Variants in FRMD5 observed in about 807,000 individuals in gnomAD.
FRMD5 encodes the protein FERM domain containing 5, also known as FERM domain-containing protein 5.
A neutral mutation model predicts 69.0 loss-of-function variants in FRMD5; 20 were observed. The observed-to-expected ratio is 0.29, with a 90% CI of 0.20 to 0.42. The LOEUF (loss-of-function observed/expected upper bound fraction) is 0.42. Among genes scored for constraint, FRMD5 ranks in the 10% least tolerant of loss-of-function variants. The pLI is 1.00. For synonymous variants in FRMD5, 271 were observed against 260.1 expected, an observed-to-expected ratio of 1.04 and a Z score of -0.40; for missense variants, 595 against 708.6, an observed-to-expected ratio of 0.84 and a Z score of 1.82.
intron 12 of FRMD5, among the ~76,000 whole-genome samples, 159 bp from the exon 13 acceptor site, chr15:43,883,968 T>C (rs541960084): frequency 9.8e-5 from 15 of 152,366 alleles, no homozygotes; most frequent in Middle Eastern, 3.4e-3. Context: ...CTTTGGTCTC[T>C]GGATTCCAGT....
At chr15:44,109,157 A>G (rs1469169573) in intron 1 of FRMD5, among the ~76,000 whole-genome samples, 1 of 152,022 alleles carries the variant, frequency 6.6e-6, no homozygotes, top group East Asian at 1.9e-4. Flanking sequence ...TTCCTTGAAT[A>G]ATTTTTTAAT....
intron 1 of FRMD5, among the ~76,000 whole-genome samples, chr15:44,007,706 C>T (rs954703526): frequency 5.9e-5 from 7 of 118,350 alleles, no homozygotes; most frequent in East Asian, 2.8e-4. Context: ...AGTGCAATGG[C>T]GTGATCTTGG....
intron 13 of FRMD5, among the ~76,000 whole-genome samples, chr15:43,882,877 G>A (rs530942884): frequency 2.0e-5 from 3 of 152,094 alleles, no homozygotes; most frequent in Non-Finnish European, 2.9e-5. Flanking sequence ...TGGGCTCACT[G>A]CAGCCTCCAC....
chr15:43,905,862 T>C lies in FRMD5; in HGVS notation c.517A>G (p.Arg173Gly), dbSNP rs780794171. Residue 173 changes from arginine (R) to glycine (G), a missense_variant, in exon 6 of 14, where the codon AGG (arginine) becomes GGG (glycine). By Grantham distance (125) the Arg-to-Gly change is moderately radical. Around this residue, in one of 5 missense-constraint regions of FRMD5, gnomAD observed 51 missense variants for 41.7 expected, o/e 1.22. Transcript: ENST00000417257. The stretch of plus-strand genomic sequence containing the variant: ...GTCTTGTGAATCTCAGCAATTTTCC[T>C]TTCCAGCTTCTCTGAATGTTTAGGG... ...FFPKHSEKLE[R>G]KIAEIHKTEL... 8.1e-6 allele frequency: 13 copies of C among 1,614,130 alleles called. No individual in the cohort carries two copies. Among genetic ancestry groups the C allele is most frequent in the South Asian group, 5.5e-5 (5 of 91,090 alleles).
At chr15:43,888,138 C>T (rs764933739) in intron 10 of FRMD5, 37 bp downstream of exon 10, 19 of 1,500,116 alleles carry the variant, frequency 1.3e-5, no homozygotes, top group Non-Finnish European at 1.7e-5. Flanking sequence ...GACTCTGGCT[C>T]TAAGAAAGAC....
intron 1 of FRMD5, among the ~76,000 whole-genome samples, chr15:44,009,372 T>C (rs78924390): frequency 0.019 from 2,925 of 152,244 alleles, 96 homozygotes; most frequent in African/African-American, 0.067. Context: ...ACATTTGTCT[T>C]TCTGTACATT....
intron 1 of FRMD5, among the ~76,000 whole-genome samples, chr15:44,119,392 C>T (rs1359921710): frequency 6.6e-6 from 1 of 152,296 alleles, no homozygotes; most frequent in Non-Finnish European, 1.5e-5. Flanking sequence ...GACTTCGAGA[C>T]GTACAGTGAC....
chr15:44,034,729 A>G (rs1271648374), intron 1 of FRMD5, among the ~76,000 whole-genome samples: 1 of 152,158 alleles, frequency 6.6e-6, no homozygotes, highest in Non-Finnish European at 1.5e-5. Flanking sequence ...TTTTAGATTT[A>G]GCTCTTTTTC....
intron 1 of FRMD5, among the ~76,000 whole-genome samples, chr15:44,092,015 A>G (rs2076480728): frequency 1.3e-5 from 2 of 152,300 alleles, no homozygotes; most frequent in Non-Finnish European, 2.9e-5. Flanking sequence ...ACTTTGAAGT[A>G]TTTAAGTTTA....
chr15:44,100,770 T>G, intron 1 of FRMD5, among the ~76,000 whole-genome samples: 1 of 152,296 alleles, frequency 6.6e-6, no homozygotes, highest in East Asian at 1.9e-4. Flanking sequence ...AGTTGCTGTA[T>G]GGAAAGAAAC....
At chr15:44,084,934 G>A (rs1894136917) in intron 1 of FRMD5, among the ~76,000 whole-genome samples, 1 of 151,970 alleles carries the variant, frequency 6.6e-6, no homozygotes, top group Non-Finnish European at 1.5e-5. Flanking sequence ...ATACAATCTG[G>A]GGAAGCAATC....
At chr15:43,983,514 CT>C (rs1211861271) in intron 1 of FRMD5, among the ~76,000 whole-genome samples, 2 of 152,154 alleles carry the variant, frequency 1.3e-5, no homozygotes, top group African/African-American at 2.4e-5. Flanking sequence ...CTCCAAAAGT[CT>C]GTTATCGCCA....
chr15:43,935,394 G>C (rs932005616), intron 1 of FRMD5, among the ~76,000 whole-genome samples: 3 of 152,188 alleles, frequency 2.0e-5, no homozygotes, highest in African/African-American at 7.2e-5. Flanking sequence ...TGAGGCAGGA[G>C]AGCTGCTTGA....
intron 1 of FRMD5, among the ~76,000 whole-genome samples, chr15:44,068,735 A>C (rs2140405891): frequency 6.6e-6 from 1 of 152,360 alleles, no homozygotes; most frequent in Non-Finnish European, 1.5e-5. Context: ...TACTTTAAAC[A>C]GGCAAATTTT....
At chr15:43,970,941 T>G (rs1438670115) in intron 1 of FRMD5, among the ~76,000 whole-genome samples, 4 of 151,892 alleles carry the variant, frequency 2.6e-5, no homozygotes, top group African/African-American at 7.3e-5. Context: ...GAGGAAAAAA[T>G]TCAGGCCCTT....
intron 1 of FRMD5, among the ~76,000 whole-genome samples, chr15:44,179,712 C>A: frequency 6.6e-6 from 1 of 152,150 alleles, no homozygotes. Flanking sequence ...AACATCTGTG[C>A]TAAAAGGGGC....
intron 1 of FRMD5, among the ~76,000 whole-genome samples, chr15:44,045,691 T>C (rs1892396818): frequency 6.6e-6 from 1 of 152,164 alleles, no homozygotes; most frequent in Non-Finnish European, 1.5e-5. Flanking sequence ...ATAGGAGTGG[T>C]TAGAAAGGGC....
At chr15:43,902,345 T>C in intron 6 of FRMD5, 83 bp from the exon 7 acceptor site, 1 of 1,144,420 alleles carries the variant, frequency 8.7e-7, no homozygotes, top group Admixed American at 1.7e-5. Context: ...AAGATGTGCT[T>C]AGGATGAGCC....
At chr15:44,080,811 C>T (rs996208383) in intron 1 of FRMD5, among the ~76,000 whole-genome samples, 2 of 151,942 alleles carry the variant, frequency 1.3e-5, no homozygotes, top group African/African-American at 4.8e-5. Flanking sequence ...ACAGAGAACC[C>T]TCAAGTCTTT....
Sources: allele counts gnomAD v4.1 joint callset (sites outside exome capture counted in the v4.1 genomes callset), GRCh38; gene constraint gnomAD v4.1.1; regional missense constraint gnomAD v4.1.1; transcripts MANE v1.5; gene names NCBI Gene and HGNC (gene_info 2026-07-23, HGNC 2026-07-21).